Variants in FA2H observed in about 807,000 individuals in gnomAD.
The protein encoded by FA2H is fatty acid 2-hydroxylase.
FA2H carries 22 observed loss-of-function variants against 44.9 expected under a neutral mutation model. The ratio of observed to expected loss-of-function variants is 0.49; its 90% CI spans 0.35 to 0.70. The LOEUF is 0.70. Ranked by LOEUF, FA2H falls within the 30% of genes least tolerant of loss-of-function variation. The pLI, the probability that FA2H is intolerant of heterozygous loss-of-function variation, is 0.01. For missense variants in FA2H, 501 were observed against 504.9 expected, an observed-to-expected ratio of 0.99 and a Z score of 0.07; for synonymous variants, 243 against 213.2, an observed-to-expected ratio of 1.14 and a Z score of -1.22.
intron 1 of FA2H, among the ~76,000 whole-genome samples, chr16:74,757,000 C>T (rs981426626): frequency 2.7e-5 from 4 of 150,938 alleles, no homozygotes; most frequent in Admixed American, 1.3e-4. Context: ...AGAATAAAAC[C>T]GGTGTCTTTT....
intron 2 of FA2H, among the ~76,000 whole-genome samples, chr16:74,728,462 G>C (rs913311843): frequency 6.6e-6 from 1 of 152,134 alleles, no homozygotes; most frequent in African/African-American, 2.4e-5. Flanking sequence ...TGGGGGATTT[G>C]ACAAGGGGGA....
intron 4 of FA2H, among the ~76,000 whole-genome samples, chr16:74,725,667 G>A (rs535210728): frequency 1.3e-5 from 2 of 152,308 alleles, no homozygotes; most frequent in Non-Finnish European, 2.9e-5. Context: ...TAAATGAGGC[G>A]GTCCTGGGAG....
intron 1 of FA2H, among the ~76,000 whole-genome samples, chr16:74,757,741 G>C (rs1358148661): frequency 6.6e-6 from 1 of 152,202 alleles, no homozygotes; most frequent in East Asian, 1.9e-4. Flanking sequence ...GTGTGGCTGG[G>C]CGTCGTGGCA....
chr16:74,735,935 A>G (rs981456469), intron 2 of FA2H, among the ~76,000 whole-genome samples: 1 of 152,216 alleles, frequency 6.6e-6, no homozygotes, highest in Non-Finnish European at 1.5e-5. Context: ...GTGAGCTGCA[A>G]TCTTGCCACT....
At position 74,727,323 on chromosome 16, in the gene FA2H, C is replaced by T. The variant is rs1961980940; in HGVS notation, c.427G>A (p.Glu143Lys). ...CTGGTCACCGGCTGGTGAACCCACT[C>T]ATCGTACTTCTCTCCCAAGTGGCCC... is the stretch of plus-strand genomic sequence containing the variant. ...QVGHLGEKYD[E>K]WVHQPVTRPI... is the part of the protein sequence containing the mutation. Residue 143 changes from glutamate (E) to lysine (K), a missense_variant, in exon 3 of 7, where the codon GAG becomes AAG. Physicochemically the swap from Glu to Lys is moderately conservative, Grantham distance 56 (BLOSUM62 1). Transcript: ENST00000219368. The T allele has an allele frequency of 1.2e-6, 2 of 1,614,154 alleles. No homozygotes were observed. The highest frequency in any genetic ancestry group is 1.7e-6 in the Non-Finnish European group (2 of 1,180,016).
intron 2 of FA2H, among the ~76,000 whole-genome samples, chr16:74,738,054 C>T (rs775887918): frequency 6.6e-6 from 1 of 152,208 alleles, no homozygotes; most frequent in Non-Finnish European, 1.5e-5. Context: ...AAGCCCTGCT[C>T]CCTGTGCTGA....
At chr16:74,762,616 C>T (rs1316177089) in intron 1 of FA2H, among the ~76,000 whole-genome samples, 2 of 152,028 alleles carry the variant, frequency 1.3e-5, no homozygotes, top group Admixed American at 6.5e-5. Flanking sequence ...CTGCAACCTC[C>T]GCCTCCCTGG....
At chr16:74,724,658 G>T (rs963878814) in intron 4 of FA2H, among the ~76,000 whole-genome samples, 2 of 152,166 alleles carry the variant, frequency 1.3e-5, no homozygotes, top group African/African-American at 4.8e-5. Flanking sequence ...ACGTGGAGAC[G>T]TTATCTCTCA....
At chr16:74,726,159 G>C (rs1961948582) in intron 4 of FA2H, 66 bp downstream of exon 4, 18 of 1,103,768 alleles carry the variant, frequency 1.6e-5, no homozygotes, top group Admixed American at 3.6e-5. Flanking sequence ...CTCTGGGCCA[G>C]GGAAAGCACT....
At chr16:74,759,195 C>T (rs1033300884) in intron 1 of FA2H, among the ~76,000 whole-genome samples, 1 of 152,308 alleles carries the variant, frequency 6.6e-6, no homozygotes, top group African/African-American at 2.4e-5. Context: ...AAGGGAACTT[C>T]GATGTCAGTC....
intron 2 of FA2H, among the ~76,000 whole-genome samples, chr16:74,728,787 T>C (rs989918294): frequency 3.6e-5 from 5 of 140,716 alleles, no homozygotes; most frequent in African/African-American, 1.3e-4. Context: ...TTTCTTTTTT[T>C]TTTTTTTTTT....
chr16:74,714,935 CA>C (rs1490106751), intron 6 of FA2H, among the ~76,000 whole-genome samples: 1 of 151,286 alleles, frequency 6.6e-6, no homozygotes, highest in African/African-American at 2.4e-5. Flanking sequence ...CTCCTGGGTC[CA>C]AGAGATTCTC....
At chr16:74,751,617 G>A (rs904861899) in intron 1 of FA2H, among the ~76,000 whole-genome samples, 1 of 151,904 alleles carries the variant, frequency 6.6e-6, no homozygotes, top group Non-Finnish European at 1.5e-5. Context: ...GGACAGCACT[G>A]AATACACATT....
intron 4 of FA2H, among the ~76,000 whole-genome samples, chr16:74,719,862 G>T (rs916503884): frequency 6.6e-6 from 1 of 151,824 alleles, no homozygotes; most frequent in African/African-American, 2.4e-5. Flanking sequence ...GGCCTCCAGG[G>T]TGTTAATGAT....
chr16:74,772,044 G>A lies in FA2H; in HGVS notation c.270+2442C>T, dbSNP rs369092733. On this transcript the variant is annotated intron_variant, in intron 1 of 6. Coordinates refer to ENST00000219368, the MANE Select transcript of FA2H (RefSeq NM_024306.5). ...TGGCTCACTGCAACCTCCACCTCCC[G>A]GGCTCACCTGGCTTCCCATTTTTGT... Among the ~76,000 whole-genome samples, 453 of 151,254 alleles carry A rather than the reference G, an allele frequency of 3.0e-3. 2 individuals carry two copies. The highest frequency in any genetic ancestry group is 4.6e-3 in the Non-Finnish European group (314 of 67,834).
intron 2 of FA2H, among the ~76,000 whole-genome samples, chr16:74,729,935 G>C (rs1962040710): frequency 6.6e-6 from 1 of 152,116 alleles, no homozygotes; most frequent in South Asian, 2.1e-4. Context: ...GGCAGGGAGA[G>C]GAGGGGAGAG....
intron 2 of FA2H, among the ~76,000 whole-genome samples, chr16:74,730,381 G>A (rs1008821014): frequency 2.6e-5 from 4 of 152,108 alleles, no homozygotes; most frequent in Middle Eastern, 3.2e-3. Flanking sequence ...GAGCTATCCC[G>A]CCCTGGCACT....
intron 2 of FA2H, among the ~76,000 whole-genome samples, chr16:74,733,771 C>T (rs984659272): frequency 4.6e-5 from 7 of 152,230 alleles, no homozygotes; most frequent in Non-Finnish European, 1.0e-4. Flanking sequence ...AAACAATTGC[C>T]TTAGCTCATT....
chr16:74,738,244 TGA>T (rs1392646556), intron 2 of FA2H, among the ~76,000 whole-genome samples: 1 of 151,702 alleles, frequency 6.6e-6, no homozygotes, highest in African/African-American at 2.4e-5. Flanking sequence ...GTGGGGAAGG[TGA>T]GTCAGGCTGC....
Sources: gnomAD v4.1 joint callset for allele counts (sites outside exome capture counted in the v4.1 genomes callset) on GRCh38, gnomAD v4.1.1 for gene constraint, MANE v1.5 for transcripts, NCBI Gene and HGNC (gene_info 2026-07-23, HGNC 2026-07-21) for gene names.